The following UNC5D variants were observed in gnomAD, a reference collection of about 807,000 sequenced individuals.
UNC5D encodes unc-5 netrin receptor D.
In UNC5D, 39 loss-of-function variants were observed where a neutral mutation model predicts 105.4. The observed-to-expected ratio is 0.37, with a 90% CI of 0.29 to 0.48. The LOEUF (loss-of-function observed/expected upper bound fraction) is 0.48, where lower values mean the gene tolerates loss of function less well. Among genes scored for constraint, UNC5D ranks in the 20% least tolerant of loss-of-function variants. The pLI is 0.98. For synonymous variants in UNC5D, 452 were observed against 450.4 expected (o/e 1.00, Z -0.04); for missense variants, 991 against 1,202.4 (o/e 0.82, Z 2.60).
chr8:35,730,045 T>C (rs980893373), intron 10 of UNC5D, among the ~76,000 whole-genome samples: 12 of 152,234 alleles, frequency 7.9e-5, no homozygotes, highest in African/African-American at 2.9e-4. Context: ...CTGAGCGATT[T>C]ACATTAGCTC....
intron 1 of UNC5D, among the ~76,000 whole-genome samples, chr8:35,341,333 T>A (rs952160814): frequency 1.3e-5 from 2 of 152,134 alleles, no homozygotes; most frequent in Admixed American, 1.3e-4. Context: ...TCAAGTTCCA[T>A]GTAACATGGA....
chr8:35,278,344 T>C (rs964680062), intron 1 of UNC5D, among the ~76,000 whole-genome samples: 1 of 152,168 alleles, frequency 6.6e-6, no homozygotes, highest in Non-Finnish European at 1.5e-5. Flanking sequence ...TTTCTTCACA[T>C]TTAAAATGTC....
At chr8:35,535,295 A>T (rs1444626924) in intron 1 of UNC5D, among the ~76,000 whole-genome samples, 1 of 151,884 alleles carries the variant, frequency 6.6e-6, no homozygotes, top group African/African-American at 2.4e-5. Context: ...AATTAAACTT[A>T]CTCTATTACA....
At chr8:35,252,758 T>C (rs1425922896) in intron 1 of UNC5D, among the ~76,000 whole-genome samples, 4 of 152,138 alleles carry the variant, frequency 2.6e-5, no homozygotes, top group African/African-American at 9.7e-5. Context: ...CTTTCAAGTG[T>C]TTTTTTATAT....
intron 3 of UNC5D, among the ~76,000 whole-genome samples, chr8:35,577,692 G>T (rs1401941171): frequency 6.6e-6 from 1 of 152,144 alleles, no homozygotes; most frequent in Non-Finnish European, 1.5e-5. Context: ...AAACTAATGG[G>T]TGAAAGTTTC....
At position 35,790,811 on chromosome 8, in the gene UNC5D, A is replaced by G; in HGVS notation, c.*248A>G. On this transcript the variant is annotated 3_prime_UTR_variant, in exon 17 of 17. Coordinates refer to ENST00000404895, the MANE Select transcript of UNC5D (RefSeq NM_080872.4). ...ATCCACATTTGGGTTAACTCCTCAG[A>G]TTTGGAGTGGCAAGGATAAAAGTGA... 1 of 536,544 alleles carries G rather than the reference A, an allele frequency of 1.9e-6. No homozygotes were observed. Among genetic ancestry groups the G allele is most frequent in the South Asian group, 2.3e-5 (1 of 43,998 alleles). 33.2% of individuals were successfully genotyped at this position (536,544 alleles called of 1,614,324 possible).
chr8:35,788,670 T>A (rs1243718677), intron 16 of UNC5D, among the ~76,000 whole-genome samples: 4 of 150,482 alleles, frequency 2.7e-5, no homozygotes, highest in Non-Finnish European at 5.9e-5. Flanking sequence ...GTGTTTGTGG[T>A]CAAATTGGGA....
chr8:35,526,234 AC>A, intron 1 of UNC5D, among the ~76,000 whole-genome samples: 1 of 152,274 alleles, frequency 6.6e-6, no homozygotes. Flanking sequence ...CAGACATTCC[AC>A]CAAACCCAGG....
chr8:35,327,247 G>A (rs1368242730), intron 1 of UNC5D, among the ~76,000 whole-genome samples: 3 of 152,108 alleles, frequency 2.0e-5, no homozygotes, highest in African/African-American at 4.8e-5. Context: ...CAGCTCACTC[G>A]CTTGCAACTA....
At chr8:35,682,930 T>C (rs55949471) in intron 4 of UNC5D, among the ~76,000 whole-genome samples, 4,809 of 152,248 alleles carry the variant, frequency 0.032, 271 homozygotes, top group African/African-American at 0.11. Flanking sequence ...GGCCTAAATG[T>C]CTCTTCGATC....
intron 1 of UNC5D, among the ~76,000 whole-genome samples, chr8:35,430,896 T>C (rs1186150883): frequency 6.6e-6 from 1 of 152,112 alleles, no homozygotes; most frequent in African/African-American, 2.4e-5. Flanking sequence ...AAATACTAAA[T>C]CACACACACA....
rs535650702 is a variant in UNC5D, at chr8:35,235,629, G to A, written c.-156G>A. 664 of 523,360 alleles carry A rather than the reference G, an allele frequency of 1.3e-3. 3 individuals carry two copies. Among genetic ancestry groups the A allele is most frequent in the African/African-American group, 0.013 (635 of 50,774 alleles). The allele number at this position is 523,360 out of a possible 1,614,324, so 32.4% of individuals were successfully genotyped here. ...CGGGGTGCCCATTCAGCGGCGGCTC[G>A]GAGCTCCCTGCCCCGCTGCTTTAGG... is the stretch of plus-strand genomic sequence containing the variant. On this transcript the variant is annotated 5_prime_UTR_variant, in exon 1 of 17. Coordinates refer to ENST00000404895, the MANE Select transcript of UNC5D (RefSeq NM_080872.4).
At chr8:35,307,543 G>A (rs1011574337) in intron 1 of UNC5D, among the ~76,000 whole-genome samples, 1 of 152,150 alleles carries the variant, frequency 6.6e-6, no homozygotes, top group Non-Finnish European at 1.5e-5. Flanking sequence ...GGTTAAGTGA[G>A]GAGAGGCTCA....
At chr8:35,697,197 C>T (rs1354496018) in intron 7 of UNC5D, among the ~76,000 whole-genome samples, 2 of 151,590 alleles carry the variant, frequency 1.3e-5, no homozygotes, top group Non-Finnish European at 1.5e-5. Flanking sequence ...CATATATATA[C>T]ATATAAAGTA....
chr8:35,417,856 C>T (rs1805628557), intron 1 of UNC5D, among the ~76,000 whole-genome samples: 3 of 152,214 alleles, frequency 2.0e-5, no homozygotes, highest in Non-Finnish European at 2.9e-5. Flanking sequence ...AATCATTATG[C>T]CAGATACACA....
chr8:35,496,260 AAG>A (rs1432639094), intron 1 of UNC5D, among the ~76,000 whole-genome samples: 1 of 152,170 alleles, frequency 6.6e-6, no homozygotes, highest in Non-Finnish European at 1.5e-5. Context: ...GAAGACTGGA[AAG>A]AGAGGAGCTA....
intron 1 of UNC5D, among the ~76,000 whole-genome samples, chr8:35,407,461 C>G (rs995445483): frequency 6.6e-6 from 1 of 152,094 alleles, no homozygotes; most frequent in Non-Finnish European, 1.5e-5. Context: ...TGATCACTTT[C>G]TCAGAGGAGT....
At chr8:35,239,224 A>T (rs917267766) in intron 1 of UNC5D, among the ~76,000 whole-genome samples, 5 of 152,176 alleles carry the variant, frequency 3.3e-5, no homozygotes, top group African/African-American at 1.2e-4. Context: ...TGGTTCTTTA[A>T]GTAGTACCTC....
chr8:35,775,969 A>T (rs1340982428), intron 16 of UNC5D, among the ~76,000 whole-genome samples: 2 of 152,248 alleles, frequency 1.3e-5, no homozygotes, highest in African/African-American at 4.8e-5. Context: ...CAGGGGAAAA[A>T]AATTAGATTG....
Sources: allele counts gnomAD v4.1 joint callset (sites outside exome capture counted in the v4.1 genomes callset), GRCh38; gene constraint gnomAD v4.1.1; transcripts MANE v1.5; gene names NCBI Gene and HGNC (gene_info 2026-07-23, HGNC 2026-07-21).